CAMSAP2: variants seen among roughly 807,000 people sequenced by gnomAD.
The protein encoded by CAMSAP2 is calmodulin-regulated spectrin-associated protein 2.
Under a neutral mutation model 146.1 loss-of-function variants are expected in CAMSAP2, and 26 were observed. That is an observed-to-expected ratio of 0.18 (90% CI 0.13 to 0.25). The LOEUF (loss-of-function observed/expected upper bound fraction) is 0.25. CAMSAP2 is among the 10% of genes least tolerant of loss of function. The pLI is 1.00. For missense variants in CAMSAP2, 1,381 were observed against 1,759.3 expected (o/e 0.78, Z 3.85); for synonymous variants, 499 against 596.6 (o/e 0.84, Z 2.38).
intron 13 of CAMSAP2, among the ~76,000 whole-genome samples, chr1:200,854,370 T>C (rs16830092): frequency 0.14 from 21,149 of 152,162 alleles, 1,554 homozygotes; most frequent in African/African-American, 0.19. Flanking sequence ...GCCATGGAAA[T>C]TTTTTAGAGA....
chr1:200,802,195 A>G (rs7530558), intron 2 of CAMSAP2, among the ~76,000 whole-genome samples: 427 of 152,338 alleles, frequency 2.8e-3, no homozygotes, highest in African/African-American at 9.5e-3. Context: ...GCAAAGTATT[A>G]TTACATAATA....
At chr1:200,840,163 TCAAA>T (rs1371269341) in intron 6 of CAMSAP2, among the ~76,000 whole-genome samples, 2 of 152,214 alleles carry the variant, frequency 1.3e-5, no homozygotes, top group Admixed American at 6.5e-5. Context: ...AGTGAACATC[TCAAA>T]CAATGACTCT....
At chr1:200,840,517 G>GCCTCCTCAT (rs1415421422) in intron 6 of CAMSAP2, among the ~76,000 whole-genome samples, 1 of 152,080 alleles carries the variant, frequency 6.6e-6, no homozygotes, top group Non-Finnish European at 1.5e-5. Context: ...TTCCTCCTCA[G>GCCTCCTCAT]CCTCCTCAAG....
intron 1 of CAMSAP2, among the ~76,000 whole-genome samples, chr1:200,740,954 T>C (rs1384822890): frequency 6.6e-6 from 1 of 152,216 alleles, no homozygotes; most frequent in African/African-American, 2.4e-5. Context: ...TATGAAATAT[T>C]TGTTGAAAAG....
rs1360708017 is a variant in CAMSAP2, at chr1:200,860,616, A to T, written c.*2557A>T. Reference sequence around the variant, plus strand: ...GCTTACAGGTTTTTTGTTTTTTAAGATGCTGTGCTGTAAAATACTGTCATA... The same window carrying T: ...GCTTACAGGTTTTTTGTTTTTTAAGTTGCTGTGCTGTAAAATACTGTCATA... On this transcript the variant is annotated 3_prime_UTR_variant, in exon 17 of 17. Coordinates refer to ENST00000358823, the MANE Select transcript of CAMSAP2 (RefSeq NM_203459.4). The T allele has an allele frequency of 6.6e-6, 1 of 152,296 alleles. No individual in the cohort carries two copies. The highest frequency in any genetic ancestry group is 2.4e-5 in the African/African-American group (1 of 41,448). The allele number at this position is 152,296 out of a possible 1,614,324, so 9.4% of individuals were successfully genotyped here.
intron 8 of CAMSAP2, 73 bp downstream of exon 8, chr1:200,844,942 C>T: frequency 1.4e-6 from 1 of 735,096 alleles, no homozygotes; most frequent in South Asian, 2.3e-5. Flanking sequence ...TATTATATTA[C>T]ATTAAATAAG....
chr1:200,767,343 CAG>C (rs1553280463), intron 2 of CAMSAP2, among the ~76,000 whole-genome samples: 1 of 142,832 alleles, frequency 7.0e-6, no homozygotes, highest in African/African-American at 2.6e-5. Context: ...GCCTGGGCAA[CAG>C]AGTGAGACTC....
chr1:200,838,003 A>C (rs1404513549), intron 6 of CAMSAP2, among the ~76,000 whole-genome samples: 1 of 152,180 alleles, frequency 6.6e-6, no homozygotes, highest in Non-Finnish European at 1.5e-5. Flanking sequence ...TGACCATCTT[A>C]ACTAAAAGAA....
chr1:200,755,317 T>C (rs777456255), intron 1 of CAMSAP2, among the ~76,000 whole-genome samples: 2 of 152,224 alleles, frequency 1.3e-5, no homozygotes, highest in Non-Finnish European at 2.9e-5. Flanking sequence ...TAAAGAGATA[T>C]ATATCTGAAG....
At chr1:200,743,933 T>A (rs897917513) in intron 1 of CAMSAP2, among the ~76,000 whole-genome samples, 2 of 133,402 alleles carry the variant, frequency 1.5e-5, no homozygotes, top group Non-Finnish European at 3.2e-5. Context: ...AGAGCAAGAC[T>A]CTGTCTCAAT....
intron 3 of CAMSAP2, among the ~76,000 whole-genome samples, chr1:200,810,642 A>G (rs1174358198): frequency 6.6e-6 from 1 of 151,478 alleles, no homozygotes; most frequent in Non-Finnish European, 1.5e-5. Context: ...TAATCCCACT[A>G]CTTTGGGAGG....
chr1:200,739,775 G>C lies in CAMSAP2; in HGVS notation c.-53G>C. The C allele has an allele frequency of 6.3e-7, 1 of 1,583,168 alleles. No homozygotes were observed. The highest frequency in any genetic ancestry group is 8.6e-7 in the Non-Finnish European group (1 of 1,162,318). ...CCCTCCCGACCCCCGTGGTGGCGAG[G>C]CCACGCCATGTGAAGGTTAGGGCCG... On this transcript the variant is annotated 5_prime_UTR_variant, in exon 1 of 17. Transcript: ENST00000358823. The surrounding 1 kb of genome is among the most constrained non-coding windows in gnomAD (Gnocchi z 4.8).
At chr1:200,841,502 T>C (rs1667322539) in intron 6 of CAMSAP2, among the ~76,000 whole-genome samples, 1 of 152,162 alleles carries the variant, frequency 6.6e-6, no homozygotes, top group African/African-American at 2.4e-5. Context: ...CACCTTGGCC[T>C]CCCAAAGTGC....
rs1430830913 is a variant in CAMSAP2 at position 200,807,418 on chromosome 1, A to G, written c.442A>G (p.Thr148Ala). ...GATCGATACCCTCATGATGGCTTATACTGTAGAAATGGTCAGTATAGAAAA... is the reference window on the plus strand; with the variant it reads ...GATCGATACCCTCATGATGGCTTATGCTGTAGAAATGGTCAGTATAGAAAA... ...AMIDTLMMAY[T>A]VEMVSIEKVI... is the part of the protein sequence containing the mutation. The change falls in exon 3 of 17, where the codon ACT (threonine) becomes GCT (alanine). Residue 148 changes from threonine (T) to alanine (A), a missense_variant. This residue lies in a region of CAMSAP2 where 284 missense variants were observed against 406.9 expected (regional missense o/e 0.70). Transcript: ENST00000358823. 25 of 1,608,384 alleles carry G rather than the reference A, an allele frequency of 1.6e-5. No individual in the cohort carries two copies. The highest frequency in any genetic ancestry group is 1.7e-4 in the Middle Eastern group (1 of 6,038).
At chr1:200,815,366 C>T (rs1666453607) in intron 3 of CAMSAP2, among the ~76,000 whole-genome samples, 195 bp from the exon 4 acceptor site, 2 of 152,076 alleles carry the variant, frequency 1.3e-5, no homozygotes, top group Non-Finnish European at 2.9e-5. Context: ...TTAATGAATT[C>T]TAGAATATCA....
At chr1:200,759,518 C>T (rs1189199523) in intron 1 of CAMSAP2, among the ~76,000 whole-genome samples, 2 of 152,206 alleles carry the variant, frequency 1.3e-5, no homozygotes, top group African/African-American at 4.8e-5. Flanking sequence ...CTCAGGTGAT[C>T]TGCCCACTTC....
In CAMSAP2 at chr1:200,853,329, A is replaced by C; in HGVS notation, c.3657A>C (p.Glu1219Asp). The C allele has an allele frequency of 6.2e-7, 1 of 1,613,826 alleles. No individual in the cohort carries two copies. The highest frequency in any genetic ancestry group is 8.5e-7 in the Non-Finnish European group (1 of 1,179,906). ...QKKEDERARR[E>D]FIRQEYMRRK... The stretch of plus-strand genomic sequence containing the variant: ...AAGAAGATGAGAGAGCACGCAGAGA[A>C]TTTATTAGGCAAGAATATATGAGGC... Residue 1219 changes from glutamate (E) to aspartate (D), a missense_variant, in exon 13 of 17, where the codon GAA becomes GAC. Glu to Asp is a conservative substitution (Grantham distance 45). Around this residue, in one of 4 missense-constraint regions of CAMSAP2, gnomAD observed 560 missense variants for 715.9 expected, o/e 0.78. Coordinates refer to ENST00000358823, the MANE Select transcript of CAMSAP2 (RefSeq NM_203459.4). This position sits in a 1 kb window ranked among gnomAD's most constrained non-coding sequence, Gnocchi z 5.1.
intron 9 of CAMSAP2, 93 bp downstream of exon 9, chr1:200,847,385 G>GTT (rs201742979): frequency 1.8e-4 from 146 of 832,738 alleles, no homozygotes; most frequent in Middle Eastern, 1.0e-3. Flanking sequence ...AATATCCAGG[G>GTT]TTTTTTTGTG....
At position 200,815,589 on chromosome 1, in the gene CAMSAP2, A is replaced by G. The variant is rs71635512; in HGVS notation, c.590A>G (p.Glu197Gly). 1.9e-6 allele frequency: 3 copies of G among 1,573,974 alleles called. No homozygotes were observed. Among genetic ancestry groups the G allele is most frequent in the South Asian group, 1.2e-5 (1 of 81,996 alleles). The change falls in exon 4 of 17, where the codon GAA becomes GGA. Residue 197 changes from glutamate to glycine, a missense_variant. Around this residue, in one of 4 missense-constraint regions of CAMSAP2, gnomAD observed 284 missense variants for 406.9 expected, o/e 0.70. Coordinates refer to ENST00000358823, the MANE Select transcript of CAMSAP2 (RefSeq NM_203459.4). ...AATGAACATTTGAAAGACATAATGG[A>G]ACAAGAACAAAAACTGAAAGAACAT... ...KVNEHLKDIM[E>G]QEQKLKEHHT...
Sources: allele counts gnomAD v4.1 joint callset (sites outside exome capture counted in the v4.1 genomes callset), GRCh38; gene constraint gnomAD v4.1.1; regional missense constraint gnomAD v4.1.1; non-coding constraint Gnocchi (gnomAD v3.1); transcripts MANE v1.5; gene names NCBI Gene and HGNC (gene_info 2026-07-23, HGNC 2026-07-21).